Variants in IL17F observed in about 807,000 individuals in gnomAD.
IL17F encodes interleukin 17F.
IL17F carries 6 observed loss-of-function variants against 8.3 expected under a neutral mutation model. The ratio of observed to expected loss-of-function variants is 0.73; its 90% CI spans 0.40 to 1.43. IL17F has a LOEUF of 1.43. IL17F is among the 40% of genes most tolerant of loss of function. The probability of loss-of-function intolerance (pLI) is 0.02; values close to 1 mark genes in which losing one functional copy is unlikely to be tolerated. For synonymous variants in IL17F, 98 were observed against 81.6 expected (o/e 1.20, Z -1.08); for missense variants, 204 against 209.6 (o/e 0.97, Z 0.17).
chr6:52,238,611 A>C, intron 2 of IL17F, 119 bp downstream of exon 2: 1 of 933,182 alleles, frequency 1.1e-6, no homozygotes, highest in Non-Finnish European at 1.7e-6. Flanking sequence ...TGAAATTTTC[A>C]TTGTTAAGAG....
chr6:52,242,271 T>C (rs1764088111), intron 1 of IL17F, among the ~76,000 whole-genome samples: 1 of 152,214 alleles, frequency 6.6e-6, no homozygotes, highest in African/African-American at 2.4e-5. Flanking sequence ...CTTCTCAGCC[T>C]AGCTTTGCAC....
chr6:52,238,896 C>T lies in IL17F; in HGVS notation c.88G>A (p.Ala30Thr). 1.2e-6 allele frequency: 2 copies of T among 1,613,994 alleles called. No homozygotes were observed. Among genetic ancestry groups the T allele is most frequent in the Non-Finnish European group, 1.7e-6 (2 of 1,179,926 alleles). The change falls in exon 2 of 3, where the codon GCT (alanine) becomes ACT (threonine). Residue 30 changes from alanine (A) to threonine (T), a missense_variant. Coordinates refer to ENST00000336123, the MANE Select transcript of IL17F (RefSeq NM_052872.4). ...TGTCCTACTTTGGGGATTTTCCGAG[C>T]TGCCGCCTCACTCAGAAAGGCAAGC... ...LGLAFLSEAA[A>T]RKIPKVGHTF... is the part of the protein sequence containing the mutation.
chr6:52,240,172 C>T (rs1199655208), intron 1 of IL17F, among the ~76,000 whole-genome samples: 1 of 152,182 alleles, frequency 6.6e-6, no homozygotes, highest in Non-Finnish European at 1.5e-5. Context: ...TGCAGTGGCT[C>T]ACGCCTGTAA....
At chr6:52,241,022 T>A (rs939314716) in intron 1 of IL17F, among the ~76,000 whole-genome samples, 1 of 152,192 alleles carries the variant, frequency 6.6e-6, no homozygotes, top group Non-Finnish European at 1.5e-5. Flanking sequence ...TAGACAGATG[T>A]GGAATTTACA....
intron 1 of IL17F, among the ~76,000 whole-genome samples, chr6:52,242,189 C>T (rs922418597): frequency 6.6e-6 from 1 of 152,162 alleles, no homozygotes; most frequent in Non-Finnish European, 1.5e-5. Context: ...AGATATCGCT[C>T]TCAATCTGTA....
At chr6:52,239,055 G>C in intron 1 of IL17F, 105 bp from the exon 2 acceptor site, 1 of 1,016,856 alleles carries the variant, frequency 9.8e-7, no homozygotes, top group Non-Finnish European at 1.5e-6. Flanking sequence ...TATGGGATCA[G>C]GGCTTCTCTT....
intron 1 of IL17F, chr6:52,239,236 C>T: frequency 2.4e-6 from 1 of 415,310 alleles, no homozygotes; most frequent in Non-Finnish European, 4.4e-6. Flanking sequence ...AGTTAAAATC[C>T]TATCCTGGCT....
intron 2 of IL17F, among the ~76,000 whole-genome samples, chr6:52,238,066 G>T (rs999073605): frequency 2.5e-4 from 38 of 152,196 alleles, no homozygotes; most frequent in African/African-American, 8.9e-4. Context: ...GTCATTCTTT[G>T]ATCTCTCCAT....
rs1365387979 is a variant in IL17F, at chr6:52,238,849, C to T, written c.135G>A (p.Glu45=). The T allele has an allele frequency of 6.2e-7, 1 of 1,613,942 alleles. No homozygotes were observed. Among genetic ancestry groups the T allele is most frequent in the Non-Finnish European group, 8.5e-7 (1 of 1,179,928 alleles). Residue 45 remains glutamate, a synonymous_variant, in exon 2 of 3, where the codon GAG becomes GAA. Coordinates refer to ENST00000336123, the MANE Select transcript of IL17F (RefSeq NM_052872.4). ...KVGHTFFQKP[E]SCPPVPGGSM... The stretch of plus-strand genomic sequence containing the variant: ...TACCTCCTGGCACAGGCGGGCAACT[C>T]TCAGGCTTTTGGAAAAAAGTATGTC...
intron 2 of IL17F, among the ~76,000 whole-genome samples, chr6:52,238,035 C>T (rs1248493375): frequency 1.3e-5 from 2 of 152,228 alleles, no homozygotes; most frequent in African/African-American, 2.4e-5. Context: ...CTCATCCACT[C>T]GCTAAGCTGG....
chr6:52,237,794 G>A (rs2128267576), intron 2 of IL17F, among the ~76,000 whole-genome samples: 1 of 152,170 alleles, frequency 6.6e-6, no homozygotes, highest in South Asian at 2.1e-4. Flanking sequence ...AACCCTGAAG[G>A]ACGGGCAGTG....
chr6:52,240,360 C>T (rs760360699), intron 1 of IL17F, among the ~76,000 whole-genome samples: 27 of 148,870 alleles, frequency 1.8e-4, no homozygotes, highest in Non-Finnish European at 3.7e-4. Context: ...TCCTTTGAAC[C>T]TAGGAGGTGG....
rs769299818 is a variant in IL17F, at chr6:52,236,965, G to A, written c.458C>T (p.Thr153Ile). The change falls in exon 3 of 3, where the codon ACC becomes ATC. Residue 153 changes from threonine to isoleucine, a missense_variant. Thr to Ile is a moderately conservative substitution (Grantham distance 89). Coordinates refer to ENST00000336123, the MANE Select transcript of IL17F (RefSeq NM_052872.4). ...LEKVLVTVGC[T>I]CVTPVIHHVQ ...ATGGTGGATGACAGGGGTGACGCAG[G>A]TGCAGCCAACAGTCACCAGCACCTT... The A allele has an allele frequency of 3.0e-5, 48 of 1,614,058 alleles. 2 individuals are homozygous for A. The South Asian group carries it at 5.2e-4, about 17-fold the overall frequency.
intron 1 of IL17F, among the ~76,000 whole-genome samples, chr6:52,240,228 G>A (rs1285603679): frequency 6.6e-6 from 1 of 152,116 alleles, no homozygotes; most frequent in African/African-American, 2.4e-5. Context: ...CCTGAAGTCA[G>A]GAGTTCAGGA....
rs117796773 is a variant in IL17F at position 52,238,729 on chromosome 6, C to A, written c.254+1G>T. The A allele has an allele frequency of 5.4e-4, 865 of 1,611,986 alleles. 9 individuals carry two copies. The East Asian group carries it at 0.011, about 21-fold the overall frequency. ...TGAAAATCAGTCTCATTTGCACTTACGTGTAATTCCAGGGGGAGGTGGAGC... is the reference window on the plus strand; with the variant it reads ...TGAAAATCAGTCTCATTTGCACTTAAGTGTAATTCCAGGGGGAGGTGGAGC... On this transcript the variant is annotated splice_donor_variant, in intron 2 of 2. Coordinates refer to ENST00000336123, the MANE Select transcript of IL17F (RefSeq NM_052872.4). LOFTEE classifies it high-confidence loss of function.
rs6931727 is a variant in IL17F, at chr6:52,238,762, G to A, written c.222C>T (p.Ile74=). ...TCCAGGGGGAGGTGGAGCGGCTCTCGATGTTACGTGACATGGAAACGCGCT... is the reference window on the plus strand; with the variant it reads ...TCCAGGGGGAGGTGGAGCGGCTCTCAATGTTACGTGACATGGAAACGCGCT... ...ENQRVSMSRN[I]ESRSTSPWNY... The change falls in exon 2 of 3, where the codon ATC becomes ATT. Residue 74 remains isoleucine, a synonymous_variant. Transcript: ENST00000336123. The A allele has an allele frequency of 2.8e-4, 447 of 1,614,156 alleles. 1 individual carries two copies. In the African/African-American group the frequency reaches 4.7e-3, roughly 17 times the overall value.
chr6:52,238,834 C>T lies in IL17F; in HGVS notation c.150G>A (p.Val50=), dbSNP rs774364967. The part of the protein sequence containing the change: ...FFQKPESCPP[V]PGGSMKLDIG... Reference sequence around the variant, plus strand: ...TGTCAAGCTTCATACTACCTCCTGGCACAGGCGGGCAACTCTCAGGCTTTT... The same window carrying T: ...TGTCAAGCTTCATACTACCTCCTGGTACAGGCGGGCAACTCTCAGGCTTTT... Residue 50 remains valine (V), a synonymous_variant, in exon 2 of 3, where the codon GTG becomes GTA. Transcript: ENST00000336123. The T allele has an allele frequency of 3.7e-6, 6 of 1,614,108 alleles. No individual in the cohort carries two copies. The highest frequency in any genetic ancestry group is 1.6e-4 in the Middle Eastern group (1 of 6,062).
At chr6:52,243,314 G>A (rs1764103953) in intron 1 of IL17F, among the ~76,000 whole-genome samples, 1 of 152,128 alleles carries the variant, frequency 6.6e-6, no homozygotes, top group African/African-American at 2.4e-5. Context: ...ATTCTTCTCA[G>A]GCCTTATCTG....
chr6:52,238,451 A>T (rs1402206070), intron 2 of IL17F, among the ~76,000 whole-genome samples: 1 of 152,208 alleles, frequency 6.6e-6, no homozygotes, highest in Non-Finnish European at 1.5e-5. Flanking sequence ...CTCTCTTCCA[A>T]CACAGGAAAA....
Sources: allele counts gnomAD v4.1 joint callset (sites outside exome capture counted in the v4.1 genomes callset), GRCh38; gene constraint gnomAD v4.1.1; transcripts MANE v1.5; gene names NCBI Gene and HGNC (gene_info 2026-07-23, HGNC 2026-07-21).